Variants in PISD observed in about 807,000 individuals in gnomAD.
PISD encodes the protein phosphatidylserine decarboxylase.
Under a neutral mutation model 43.5 loss-of-function variants are expected in PISD, and 31 were observed. The ratio of observed to expected loss-of-function variants is 0.71; its 90% CI spans 0.54 to 0.96. The LOEUF (loss-of-function observed/expected upper bound fraction) is 0.96. PISD is among the 40% of genes least tolerant of loss of function. The pLI, the probability that PISD is intolerant of heterozygous loss-of-function variation, is 0.00. For missense variants in PISD, 523 were observed against 548.4 expected (o/e 0.95, Z 0.46); for synonymous variants, 259 against 228.7 (o/e 1.13, Z -1.20).
At chr22:31,629,094 C>G (rs999490454) in intron 3 of PISD, 2 of 985,356 alleles carry the variant, frequency 2.0e-6, no homozygotes, top group African/African-American at 1.7e-5. Context: ...TGTCCCCACC[C>G]GTCCCTCACC....
At chr22:31,625,820 CGGCGCAG>C in intron 3 of PISD, 1 of 1,599,110 alleles carries the variant, frequency 6.3e-7, no homozygotes, top group Non-Finnish European at 8.5e-7. Context: ...CATCATGGGC[CGGCGCAG>C]GGAGGGCGGG....
At chr22:31,662,024 G>T in intron 1 of PISD, 120 bp downstream of exon 1, 1 of 855,336 alleles carries the variant, frequency 1.2e-6, no homozygotes, top group Non-Finnish European at 1.9e-6. Context: ...GGTGAAGGTG[G>T]CTCCGTCTCC....
At chr22:31,649,322 T>C (rs5994417) in intron 2 of PISD, among the ~76,000 whole-genome samples, 4,919 of 152,300 alleles carry the variant, frequency 0.032, 167 homozygotes, top group Admixed American at 0.12. Context: ...ATATCTGTTA[T>C]GCGTTAAATT....
At chr22:31,638,746 C>G (rs2073594700) in intron 3 of PISD, 6 of 345,022 alleles carry the variant, frequency 1.7e-5, no homozygotes, top group South Asian at 1.2e-4. Flanking sequence ...CTCAGCCTCT[C>G]AGGCAGCTGG....
In PISD at chr22:31,623,156, G is replaced by A. The variant is rs554938934; in HGVS notation, c.322-1271C>T. Among the ~76,000 whole-genome samples the A allele has an allele frequency of 4.6e-5, 7 of 152,340 alleles. No individual in the cohort carries two copies. In the East Asian group the frequency reaches 1.4e-3, roughly 29 times the overall value. On this transcript the variant is annotated intron_variant, in intron 3 of 7. Transcript: ENST00000439502. ...GGGGTCAACCTGCCTGGGAAGCCAA[G>A]GGCAAGAGCAAGCCCTCTAGGGACC... is the stretch of plus-strand genomic sequence containing the variant.
In PISD at chr22:31,630,959, C is replaced by G. The variant is rs926483675; in HGVS notation, c.322-9074G>C. 1.4e-6 allele frequency: 1 copy of G among 692,410 alleles called. No individual in the cohort carries two copies. Among genetic ancestry groups the G allele is most frequent in the Non-Finnish European group, 1.8e-6 (1 of 562,114 alleles). The allele number at this position is 692,410 out of a possible 1,614,324, so 42.9% of individuals were successfully genotyped here. ...CCCAGCCACCCTTAAAGCTGCCGCC[C>G]CCTCTGAGCCCCAGTCCTGCTGGGC... On this transcript the variant is annotated intron_variant, in intron 3 of 7. Transcript: ENST00000439502. The surrounding 1 kb of genome is among the most constrained non-coding windows in gnomAD (Gnocchi z 4.4).
chr22:31,650,771 G>A lies in PISD; in HGVS notation c.73C>T (p.Pro25Ser). ...TGGCTCAGGGCAGTGATCTCACAGG[G>A]ATGGAGGCTATAACCAAGCAAAAAT... The part of the protein sequence containing the change: ...GVAPWRSSLH[P>S]CEITALSQSL... The change falls in exon 2 of 8, where the codon CCC becomes TCC. Residue 25 changes from proline (P) to serine (S), a missense_variant. Transcript: ENST00000439502. 1.9e-6 allele frequency: 3 copies of A among 1,549,298 alleles called. No individual in the cohort carries two copies. The highest frequency in any genetic ancestry group is 2.6e-6 in the Non-Finnish European group (3 of 1,145,240).
chr22:31,636,641 ACC>A (rs2073447888), intron 3 of PISD, among the ~76,000 whole-genome samples: 1 of 139,212 alleles, frequency 7.2e-6, no homozygotes, highest in African/African-American at 2.7e-5. Flanking sequence ...CCAGGTTCAC[ACC>A]ATTCTCCTGC....
rs187227805 is a variant in PISD, at chr22:31,635,413, A to T, written c.321+12688T>A. 4.4e-4 allele frequency among the ~76,000 whole-genome samples: 67 copies of T among 151,724 alleles called. No homozygotes were observed. The East Asian group carries it at 0.01, about 23-fold the overall frequency. On this transcript the variant is annotated intron_variant, in intron 3 of 7. Coordinates refer to ENST00000439502, the MANE Select transcript of PISD (RefSeq NM_001326411.2). ...TGCCTCCCGGGTTCAAGCAATTCTC[A>T]TGCCTCAGCCTCCCAAGTAGCTGGG...
At chr22:31,648,616 G>T (rs548218765) in intron 2 of PISD, among the ~76,000 whole-genome samples, 1 of 150,518 alleles carries the variant, frequency 6.6e-6, no homozygotes, top group Non-Finnish European at 1.5e-5. Flanking sequence ...GCAGTGAGCC[G>T]AGACTGCACC....
intron 3 of PISD, chr22:31,623,740 G>A: frequency 6.2e-7 from 1 of 1,614,206 alleles, no homozygotes. Context: ...CCGAAGGGCA[G>A]GAGGTAGTAG....
intron 3 of PISD, among the ~76,000 whole-genome samples, chr22:31,629,463 T>C (rs1385670642): frequency 2.0e-5 from 3 of 149,838 alleles, no homozygotes; most frequent in Admixed American, 6.6e-5. Flanking sequence ...GCAAGGTGTG[T>C]GCATGTAGGA....
chr22:31,652,147 G>A (rs1163560048), intron 1 of PISD, among the ~76,000 whole-genome samples: 1 of 152,044 alleles, frequency 6.6e-6, no homozygotes, highest in African/African-American at 2.4e-5. Flanking sequence ...TTTTGTGTGT[G>A]TGTGTGTGTC....
intron 3 of PISD, among the ~76,000 whole-genome samples, chr22:31,637,172 T>TAA: frequency 3.4e-5 from 1 of 29,398 alleles, no homozygotes; most frequent in South Asian, 1.9e-3. Flanking sequence ...AAAATATATA[T>TAA]ATATATATAT....
At chr22:31,657,766 C>A (rs1459953534) in intron 1 of PISD, among the ~76,000 whole-genome samples, 2 of 152,084 alleles carry the variant, frequency 1.3e-5, no homozygotes, top group Non-Finnish European at 2.9e-5. Context: ...GGTGATCCAC[C>A]CGCCTGGGCC....
chr22:31,661,867 G>A (rs137955558), intron 1 of PISD, among the ~76,000 whole-genome samples: 1,604 of 152,270 alleles, frequency 0.011, 8 homozygotes, highest in Middle Eastern at 0.031. Context: ...CGACTCAAGA[G>A]ACGGGCAGGT....
intron 3 of PISD, among the ~76,000 whole-genome samples, chr22:31,647,670 G>A (rs2073922904): frequency 6.6e-6 from 1 of 152,166 alleles, no homozygotes; most frequent in African/African-American, 2.4e-5. Context: ...CCCCTATCGT[G>A]TGACTATGAT....
At chr22:31,629,288 G>A in intron 3 of PISD, 1 of 920,694 alleles carries the variant, frequency 1.1e-6, no homozygotes, top group Non-Finnish European at 1.3e-6. Flanking sequence ...ACGTGTGCAG[G>A]TGCAAGGGTA....
At chr22:31,640,586 T>TG (rs888603093) in intron 3 of PISD, among the ~76,000 whole-genome samples, 2 of 138,320 alleles carry the variant, frequency 1.4e-5, no homozygotes, top group South Asian at 4.9e-4. Flanking sequence ...TTTTTTTTTT[T>TG]TTTTTTTTTT....
Sources: allele counts gnomAD v4.1 joint callset (sites outside exome capture counted in the v4.1 genomes callset), GRCh38; gene constraint gnomAD v4.1.1; non-coding constraint Gnocchi (gnomAD v3.1); transcripts MANE v1.5; gene names NCBI Gene and HGNC (gene_info 2026-07-23, HGNC 2026-07-21).